The following ACOT13 variants were observed in gnomAD, a reference collection of about 807,000 sequenced individuals.
The protein encoded by ACOT13 is acyl-CoA thioesterase 13, also known as acyl-coenzyme A thioesterase 13.
ACOT13 carries 10 observed loss-of-function variants against 11.8 expected under a neutral mutation model. The ratio of observed to expected loss-of-function variants is 0.85; its 90% CI spans 0.53 to 1.44. The LOEUF (loss-of-function observed/expected upper bound fraction) is 1.44. Among genes scored for constraint, ACOT13 ranks in the 40% most tolerant of loss-of-function variants. The probability of loss-of-function intolerance (pLI) is 0.00; values close to 1 mark genes in which losing one functional copy is unlikely to be tolerated. For synonymous variants in ACOT13, 53 were observed against 61.0 expected, an observed-to-expected ratio of 0.87 and a Z score of 0.61; for missense variants, 172 against 174.1, an observed-to-expected ratio of 0.99 and a Z score of 0.07.
Position 24,701,771 on chromosome 6 carries a change from G to A in ACOT13, c.*156G>A. The A allele has an allele frequency of 1.5e-6, 1 of 683,336 alleles. No individual in the cohort carries two copies. The highest frequency in any genetic ancestry group is 2.2e-6 in the Non-Finnish European group (1 of 446,236). The allele number at this position is 683,336 out of a possible 1,614,324, so 42.3% of individuals were successfully genotyped here. On this transcript the variant is annotated 3_prime_UTR_variant, in exon 3 of 3. Coordinates refer to ENST00000230048, the MANE Select transcript of ACOT13 (RefSeq NM_018473.4). The stretch of plus-strand genomic sequence containing the variant: ...CTGGATATCAAGTAGGGTAAAGGTG[G>A]GGGTGTCTTTTTTCACTTTAAGCAT...
At chr6:24,696,832 A>G (rs1002947995) in intron 1 of ACOT13, among the ~76,000 whole-genome samples, 12 of 151,924 alleles carry the variant, frequency 7.9e-5, no homozygotes, top group Non-Finnish European at 1.3e-4. Context: ...CTGGAGTGTA[A>G]TGGCATGATC....
chr6:24,685,167 C>T (rs1480862376), intron 1 of ACOT13, among the ~76,000 whole-genome samples: 1 of 152,058 alleles, frequency 6.6e-6, no homozygotes, highest in Non-Finnish European at 1.5e-5. Context: ...TTGAACTGTA[C>T]AGATTGATAC....
Position 24,703,642 on chromosome 6 carries a change from T to C in ACOT13, c.*2027T>C, listed in dbSNP as rs929038192. ...TGGACAAAGCATTAGATTTGGAAAA[T>C]CACTATTTTGTAACCATCATAGTTA... On this transcript the variant is annotated 3_prime_UTR_variant, in exon 3 of 3. Transcript: ENST00000230048. 2 of 152,206 alleles carry C rather than the reference T, an allele frequency of 1.3e-5. No homozygotes were observed. The highest frequency in any genetic ancestry group is 4.8e-5 in the African/African-American group (2 of 41,452). 9.4% of individuals were successfully genotyped at this position (152,206 alleles called of 1,614,324 possible).
intron 1 of ACOT13, among the ~76,000 whole-genome samples, chr6:24,669,708 TC>T (rs1778326928): frequency 6.6e-6 from 1 of 152,238 alleles, no homozygotes; most frequent in African/African-American, 2.4e-5. Context: ...GGCTGTGAAC[TC>T]CCATGTCTTG....
At chr6:24,699,372 A>G (rs535827641) in intron 2 of ACOT13, among the ~76,000 whole-genome samples, 92 of 151,694 alleles carry the variant, frequency 6.1e-4, no homozygotes, top group Middle Eastern at 3.4e-3. Flanking sequence ...ACCATGCCCG[A>G]CTAATTTGTT....
At chr6:24,694,231 A>G (rs1778761344) in intron 1 of ACOT13, among the ~76,000 whole-genome samples, 1 of 152,190 alleles carries the variant, frequency 6.6e-6, no homozygotes, top group Non-Finnish European at 1.5e-5. Context: ...ACATCTGGAC[A>G]GTTCTCTGTA....
chr6:24,691,805 C>T (rs1391637240), intron 1 of ACOT13, among the ~76,000 whole-genome samples: 1 of 152,156 alleles, frequency 6.6e-6, no homozygotes, highest in African/African-American at 2.4e-5. Flanking sequence ...TCTACAGCTG[C>T]TCTTTGACTT....
At position 24,701,958 on chromosome 6, in the gene ACOT13, C is replaced by A. The variant is rs1778900249; in HGVS notation, c.*343C>A. 5.9e-6 allele frequency: 1 copy of A among 169,838 alleles called. No homozygotes were observed. The highest frequency in any genetic ancestry group is 1.6e-4 in the East Asian group (1 of 6,224). The allele number at this position is 169,838 out of a possible 1,614,324, so 10.5% of individuals were successfully genotyped here. On this transcript the variant is annotated 3_prime_UTR_variant, in exon 3 of 3. Coordinates refer to ENST00000230048, the MANE Select transcript of ACOT13 (RefSeq NM_018473.4). ...GAAATAGAAATTAATGGTTCTAATT[C>A]TGTTTGGGCTGCTAGGAACAACAGA...
intron 1 of ACOT13, among the ~76,000 whole-genome samples, chr6:24,686,955 AG>A (rs1191906112): frequency 6.6e-6 from 1 of 152,170 alleles, no homozygotes; most frequent in African/African-American, 2.4e-5. Flanking sequence ...CATGAGCAAG[AG>A]GGGCACCAAA....
At chr6:24,700,300 T>C (rs561896422) in intron 2 of ACOT13, among the ~76,000 whole-genome samples, 1 of 152,330 alleles carries the variant, frequency 6.6e-6, no homozygotes, top group South Asian at 2.1e-4. Context: ...TCTTGATTTC[T>C]AAGACAAAAT....
At chr6:24,683,322 G>A (rs778638660) in intron 1 of ACOT13, among the ~76,000 whole-genome samples, 1 of 152,210 alleles carries the variant, frequency 6.6e-6, no homozygotes, top group Non-Finnish European at 1.5e-5. Flanking sequence ...CAGATCATCT[G>A]AGGTCAGGAG....
chr6:24,682,047 G>C (rs1778560405), intron 1 of ACOT13, among the ~76,000 whole-genome samples: 1 of 152,178 alleles, frequency 6.6e-6, no homozygotes, highest in South Asian at 2.1e-4. Flanking sequence ...CAAGAAAATT[G>C]AAAGTGGAAG....
chr6:24,701,748 G>A lies in ACOT13; in HGVS notation c.*133G>A. The A allele has an allele frequency of 1.1e-6, 1 of 923,284 alleles. No individual in the cohort carries two copies. The highest frequency in any genetic ancestry group is 3.3e-5 in the Admixed American group (1 of 30,680). 57.2% of individuals were successfully genotyped at this position (923,284 alleles called of 1,614,324 possible). A position where few individuals can be genotyped will look rare whatever the true frequency, so the allele number is the denominator to read the frequency against. On this transcript the variant is annotated 3_prime_UTR_variant, in exon 3 of 3. Transcript: ENST00000230048. The stretch of plus-strand genomic sequence containing the variant: ...AAATATTCTTGGAGGAAAAGGACCT[G>A]GATATCAAGTAGGGTAAAGGTGGGG...
chr6:24,679,831 A>C (rs1243135652), intron 1 of ACOT13, among the ~76,000 whole-genome samples: 2 of 152,218 alleles, frequency 1.3e-5, no homozygotes, highest in African/African-American at 4.8e-5. Context: ...AACCCTTATA[A>C]AACTTCAGTA....
chr6:24,679,813 A>G (rs1266585620), intron 1 of ACOT13, among the ~76,000 whole-genome samples: 2 of 152,172 alleles, frequency 1.3e-5, no homozygotes, highest in East Asian at 3.8e-4. Context: ...AGATCAAAAG[A>G]TTGTCCTAAC....
Position 24,703,764 on chromosome 6 carries a change from G to GT in ACOT13, c.*2150dup, listed in dbSNP as rs1778938125. 1.3e-5 allele frequency: 2 copies of GT among 152,224 alleles called. No individual in the cohort carries two copies. Among genetic ancestry groups the GT allele is most frequent in the African/African-American group, 2.4e-5 (1 of 41,460 alleles). The allele number at this position is 152,224 out of a possible 1,614,324, so 9.4% of individuals were successfully genotyped here. On this transcript the variant is annotated 3_prime_UTR_variant, in exon 3 of 3. Coordinates refer to ENST00000230048, the MANE Select transcript of ACOT13 (RefSeq NM_018473.4). ...CATTGCTTCCCAGAGATTGCTAGTA[G>GT]TAAGTACCACACATAGGGCAAAACC...
chr6:24,687,648 C>T, intron 1 of ACOT13: 1 of 1,517,964 alleles, frequency 6.6e-7, no homozygotes, highest in South Asian at 1.3e-5. Flanking sequence ...GACATACAGG[C>T]TTGAGAGAAA....
At chr6:24,677,233 C>T (rs796584670) in intron 1 of ACOT13, among the ~76,000 whole-genome samples, 3 of 152,206 alleles carry the variant, frequency 2.0e-5, no homozygotes, top group African/African-American at 7.2e-5. Context: ...CATTTATGTT[C>T]TATCTTTTCT....
Position 24,703,286 on chromosome 6 carries a change from C to T in ACOT13, c.*1671C>T, listed in dbSNP as rs1485424123. The T allele has an allele frequency of 6.6e-6, 1 of 152,078 alleles. No individual in the cohort carries two copies. The highest frequency in any genetic ancestry group is 1.5e-5 in the Non-Finnish European group (1 of 67,980). 9.4% of individuals were successfully genotyped at this position (152,078 alleles called of 1,614,324 possible). The stretch of plus-strand genomic sequence containing the variant: ...GTCAAGTTAACAGTTAAAGACAAAT[C>T]CTTTCCCTACATTAGATCGCCTGCT... On this transcript the variant is annotated 3_prime_UTR_variant, in exon 3 of 3. Coordinates refer to ENST00000230048, the MANE Select transcript of ACOT13 (RefSeq NM_018473.4).
Sources: allele counts gnomAD v4.1 joint callset (sites outside exome capture counted in the v4.1 genomes callset), GRCh38; gene constraint gnomAD v4.1.1; transcripts MANE v1.5; gene names NCBI Gene and HGNC (gene_info 2026-07-23, HGNC 2026-07-21).